The following ZNF500 variants were observed in gnomAD, a reference collection of about 807,000 sequenced individuals.
ZNF500 encodes zinc finger protein 500, also known as zinc finger protein with KRAB and SCAN domains 18.
A neutral mutation model predicts 30.1 loss-of-function variants in ZNF500; 31 were observed. The observed-to-expected ratio is 1.03, with a 90% CI of 0.77 to 1.39. The LOEUF (loss-of-function observed/expected upper bound fraction) is 1.39, where lower values mean the gene tolerates loss of function less well. Among genes scored for constraint, ZNF500 ranks in the 40% most tolerant of loss-of-function variants. The probability of loss-of-function intolerance (pLI) is 0.00; values close to 1 mark genes in which losing one functional copy is unlikely to be tolerated. For missense variants in ZNF500, 817 were observed against 657.8 expected, an observed-to-expected ratio of 1.24 and a Z score of -2.65; for synonymous variants, 392 against 282.0, an observed-to-expected ratio of 1.39 and a Z score of -3.91.
At chr16:4,757,015 G>A (rs1416429485) in intron 5 of ZNF500, among the ~76,000 whole-genome samples, 1 of 151,876 alleles carries the variant, frequency 6.6e-6, no homozygotes, top group Admixed American at 6.6e-5. Context: ...GGAACTATGT[G>A]TTACTGCACC....
At chr16:4,764,178 T>G (rs888423750) in intron 2 of ZNF500, 9 of 756,232 alleles carry the variant, frequency 1.2e-5, no homozygotes, top group Non-Finnish European at 1.4e-5. Context: ...ACTGGCCATG[T>G]GTGACGACTG....
chr16:4,756,027 G>A (rs1454887391), intron 5 of ZNF500, among the ~76,000 whole-genome samples: 1 of 152,156 alleles, frequency 6.6e-6, no homozygotes, highest in Non-Finnish European at 1.5e-5. Context: ...GCAGACAGGT[G>A]GCTGCCAGAG....
At chr16:4,746,871 G>C, downstream of ZNF500, 1 of 1,440,486 alleles carries the variant, frequency 6.9e-7, no homozygotes, top group Non-Finnish European at 9.3e-7. Context: ...GCCCCAACAA[G>C]AGTTGGAACA....
Position 4,751,543 on chromosome 16 carries a change from C to A in ZNF500, c.*833G>T. On this transcript the variant is annotated 3_prime_UTR_variant, in exon 6 of 6. Coordinates refer to ENST00000219478, the MANE Select transcript of ZNF500 (RefSeq NM_021646.4). ...GAGCCCCGGGCTCCATTTGGAAACT[C>A]TGGCAGGATGAAGAAGCTGGAGACC... 5 of 1,528,738 alleles carry A rather than the reference C, an allele frequency of 3.3e-6. No individual in the cohort carries two copies. The South Asian group carries it at 3.6e-5, about 11-fold the overall frequency. The allele number at this position is 1,528,738 out of a possible 1,614,324, so 94.7% of individuals were successfully genotyped here. A position where few individuals can be genotyped will look rare whatever the true frequency, so the allele number is the denominator to read the frequency against.
In ZNF500 at chr16:4,766,478, G is replaced by A. The variant is rs570346740; in HGVS notation, c.-98-402C>T. Among the ~76,000 whole-genome samples, 20 of 152,210 alleles carry A rather than the reference G, an allele frequency of 1.3e-4. No individual in the cohort carries two copies. In the East Asian group the frequency reaches 3.7e-3, roughly 28 times the overall value. On this transcript the variant is annotated intron_variant, in intron 1 of 5. Transcript: ENST00000219478. ...CTACAAAAAATACAAAAATTAGCCC[G>A]ACATGGTGGTAGCACATCTGTAATC...
chr16:4,747,893 C>T (rs2082038122), downstream of ZNF500, among the ~76,000 whole-genome samples: 1 of 152,162 alleles, frequency 6.6e-6, no homozygotes, highest in African/African-American at 2.4e-5. Context: ...GGGAGATGGG[C>T]AGGGACAGCA....
intron 5 of ZNF500, among the ~76,000 whole-genome samples, chr16:4,755,425 T>C (rs2082126168): frequency 1.3e-5 from 2 of 152,188 alleles, no homozygotes; most frequent in Non-Finnish European, 2.9e-5. Flanking sequence ...CAAGCGATTC[T>C]CCTACCTCAG....
At chr16:4,762,524 C>T (rs556745134) in intron 3 of ZNF500, 49 bp downstream of exon 3, 83 of 1,564,748 alleles carry the variant, frequency 5.3e-5, no homozygotes, top group Non-Finnish European at 6.8e-5. Flanking sequence ...GTCACCTTCA[C>T]CTCCCTCCCC....
In ZNF500 at chr16:4,752,500, G is replaced by A. The variant is rs554614033; in HGVS notation, c.1319C>T (p.Pro440Leu). 115 of 1,553,456 alleles carry A rather than the reference G, an allele frequency of 7.4e-5. No individual in the cohort carries two copies. The Middle Eastern group carries it at 1.3e-3, about 18-fold the overall frequency. The change falls in exon 6 of 6, where the codon CCG becomes CTG. Residue 440 changes from proline to leucine, a missense_variant. By Grantham distance (98) the Pro-to-Leu change is moderately conservative. Transcript: ENST00000219478. ...CCGGCGGAAGCCCCGGCCACAGGCC[G>A]GGCAGGTGTAGGGCTTCTCACCTGT... ...THTGEKPYTC[P>L]ACGRGFRRGT...
chr16:4,766,224 A>C, intron 1 of ZNF500, 148 bp from the exon 2 acceptor site: 3 of 400,708 alleles, frequency 7.5e-6, no homozygotes, highest in Non-Finnish European at 1.3e-5. Context: ...TTTGTTATTA[A>C]CCCCCTGTTA....
chr16:4,751,742 G>C lies in ZNF500; in HGVS notation c.*634C>G, dbSNP rs909745530. 8.6e-7 allele frequency: 1 copy of C among 1,164,088 alleles called. No individual in the cohort carries two copies. Among genetic ancestry groups the C allele is most frequent in the Non-Finnish European group, 1.2e-6 (1 of 811,992 alleles). The allele number at this position is 1,164,088 out of a possible 1,614,324, so 72.1% of individuals were successfully genotyped here. A position where few individuals can be genotyped will look rare whatever the true frequency, so the allele number is the denominator to read the frequency against. Reference sequence around the variant, plus strand: ...TGGGGGACCCTAAACCCAGTGAGTGGTGGCCCTACCAAAAAAGAGACTGGG... The same window carrying C: ...TGGGGGACCCTAAACCCAGTGAGTGCTGGCCCTACCAAAAAAGAGACTGGG... On this transcript the variant is annotated 3_prime_UTR_variant, in exon 6 of 6. Coordinates refer to ENST00000219478, the MANE Select transcript of ZNF500 (RefSeq NM_021646.4).
Position 4,752,414 on chromosome 16 carries a change from G to A in ZNF500, c.1405C>T (p.Gln469Ter). The change falls in exon 6 of 6, where the codon CAG becomes TAG. Residue 469 changes from glutamine (Q) to a stop codon, truncating the protein, a stop_gained. Transcript: ENST00000219478. LOFTEE classifies it low-confidence loss of function (END_TRUNC). ...HMGAGSLPTL[Q>*]PVAPGGPGAK... is the part of the protein sequence containing the mutation. ...CCGGGGCCTCCAGGAGCCACCGGCT[G>A]GAGCGTCGGCAAGGAGCCTGCCCCC... 1 of 1,525,910 alleles carries A rather than the reference G, an allele frequency of 6.6e-7. No homozygotes were observed. The highest frequency in any genetic ancestry group is 8.8e-7 in the Non-Finnish European group (1 of 1,140,350). 94.5% of individuals were successfully genotyped at this position (1,525,910 alleles called of 1,614,324 possible). A position where few individuals can be genotyped will look rare whatever the true frequency, so the allele number is the denominator to read the frequency against.
chr16:4,749,023 A>T lies in ZNF500; in HGVS notation c.*3353T>A, dbSNP rs1342063111. On this transcript the variant is annotated 3_prime_UTR_variant, in exon 6 of 6. Coordinates refer to ENST00000219478, the MANE Select transcript of ZNF500 (RefSeq NM_021646.4). ...CGTGATCTGGCCACTGGGGACCCCC[A>T]CCCGACCCCACTCCCAATGATGAGG... 6.6e-6 allele frequency: 1 copy of T among 152,264 alleles called. No homozygotes were observed. The highest frequency in any genetic ancestry group is 1.5e-5 in the Non-Finnish European group (1 of 68,082). The allele number at this position is 152,264 out of a possible 1,614,324, so 9.4% of individuals were successfully genotyped here. A position where few individuals can be genotyped will look rare whatever the true frequency, so the allele number is the denominator to read the frequency against.
At chr16:4,764,739 G>A (rs948562837) in intron 2 of ZNF500, among the ~76,000 whole-genome samples, 3 of 146,966 alleles carry the variant, frequency 2.0e-5, no homozygotes, top group African/African-American at 7.7e-5. Context: ...CCGAGATTGC[G>A]CCACTGCTCT....
downstream of ZNF500, chr16:4,745,145 C>CT (rs2081998463): frequency 1.7e-6 from 2 of 1,154,780 alleles, no homozygotes; most frequent in Non-Finnish European, 2.4e-6. Flanking sequence ...TCTGATCAGG[C>CT]AGTCGCTCCA....
chr16:4,765,520 C>T, intron 2 of ZNF500, 45 bp downstream of exon 2: 1 of 1,540,056 alleles, frequency 6.5e-7, no homozygotes, highest in Non-Finnish European at 8.7e-7. Context: ...ACCCCAGCAG[C>T]AGGGCCCCAT....
chr16:4,761,828 G>C (rs2082204449), intron 4 of ZNF500, among the ~76,000 whole-genome samples: 1 of 151,998 alleles, frequency 6.6e-6, no homozygotes, highest in African/African-American at 2.4e-5. Flanking sequence ...CTGCACTCCA[G>C]CGTGAGCACA....
At chr16:4,760,939 G>A (rs879267489) in intron 4 of ZNF500, among the ~76,000 whole-genome samples, 5 of 152,148 alleles carry the variant, frequency 3.3e-5, no homozygotes, top group Non-Finnish European at 5.9e-5. Context: ...TGCGGCAGAC[G>A]GGGGACTTCA....
downstream of ZNF500, among the ~76,000 whole-genome samples, chr16:4,745,522 G>A (rs959975046): frequency 2.6e-5 from 4 of 152,350 alleles, no homozygotes; most frequent in African/African-American, 4.8e-5. Flanking sequence ...CCAGGGTCCC[G>A]TAAGGCCCCT....
Sources: allele counts gnomAD v4.1 joint callset (sites outside exome capture counted in the v4.1 genomes callset), GRCh38; gene constraint gnomAD v4.1.1; transcripts MANE v1.5; gene names NCBI Gene and HGNC (gene_info 2026-07-23, HGNC 2026-07-21).